VMP1: variants seen among roughly 807,000 people sequenced by gnomAD.
VMP1 encodes the protein vacuole membrane protein 1.
VMP1 carries 11 observed loss-of-function variants against 56.0 expected under a neutral mutation model. The observed-to-expected ratio is 0.20, with a 90% CI of 0.12 to 0.32. The LOEUF (loss-of-function observed/expected upper bound fraction) is 0.32. Ranked by LOEUF, VMP1 falls within the 10% of genes least tolerant of loss-of-function variation. The pLI, the probability that VMP1 is intolerant of heterozygous loss-of-function variation, is 1.00. For synonymous variants in VMP1, 149 were observed against 165.0 expected, an observed-to-expected ratio of 0.90 and a Z score of 0.74; for missense variants, 296 against 490.3, an observed-to-expected ratio of 0.60 and a Z score of 3.74.
intron 6 of VMP1, among the ~76,000 whole-genome samples, chr17:59,771,370 G>T (rs1391925445): frequency 6.6e-6 from 1 of 151,858 alleles, no homozygotes; most frequent in African/African-American, 2.4e-5. Flanking sequence ...TTGCTGTGTT[G>T]CCCAGGCCGG....
intron 1 of VMP1, among the ~76,000 whole-genome samples, chr17:59,728,047 C>G (rs2143785216): frequency 6.6e-6 from 1 of 152,272 alleles, no homozygotes; most frequent in East Asian, 1.9e-4. Flanking sequence ...TGTTTATTTG[C>G]TTATTCAGCA....
chr17:59,773,203 G>A (rs1049335582), intron 6 of VMP1, among the ~76,000 whole-genome samples: 1 of 151,430 alleles, frequency 6.6e-6, no homozygotes, highest in African/African-American at 2.4e-5. Flanking sequence ...CTCGGGATCC[G>A]CCCGCCTCGC....
At chr17:59,715,530 G>A (rs1233050969) in intron 1 of VMP1, among the ~76,000 whole-genome samples, 2 of 152,130 alleles carry the variant, frequency 1.3e-5, no homozygotes, top group Non-Finnish European at 2.9e-5. Flanking sequence ...CTCAACATGT[G>A]GGGATTACAG....
chr17:59,729,491 A>G (rs150476872), intron 1 of VMP1, among the ~76,000 whole-genome samples: 1 of 151,720 alleles, frequency 6.6e-6, no homozygotes, highest in African/African-American at 2.4e-5. Flanking sequence ...AAAAAAAAAA[A>G]AAAAAACCTT....
At chr17:59,755,030 T>G (rs2777899) in intron 5 of VMP1, among the ~76,000 whole-genome samples, 60,744 of 142,236 alleles carry the variant, frequency 0.43, 14,323 homozygotes, top group Non-Finnish European at 0.54. Flanking sequence ...TCATTTCTCT[T>G]GAATACTTAA....
At position 59,840,566 on chromosome 17, in the gene VMP1, T is replaced by C. The variant is rs1000220885; in HGVS notation, c.*655T>C. The C allele has an allele frequency of 2.6e-5, 4 of 152,688 alleles. No individual in the cohort carries two copies. The highest frequency in any genetic ancestry group is 9.6e-5 in the African/African-American group (4 of 41,452). 9.5% of individuals were successfully genotyped at this position (152,688 alleles called of 1,614,324 possible). ...TAGAATGAAGTCTTGAAAAAAACTT[T>C]ATAAAGACATCTTTAATCATTCCAA... On this transcript the variant is annotated 3_prime_UTR_variant, in exon 12 of 12. Transcript: ENST00000262291.
chr17:59,839,734 T>G, intron 11 of VMP1, 34 bp from the exon 12 acceptor site: 1 of 1,582,938 alleles, frequency 6.3e-7, no homozygotes, highest in Non-Finnish European at 8.6e-7. Context: ...AATGAAGCCT[T>G]TTTCATTGCA....
At chr17:59,764,333 A>C (rs1598358051) in intron 5 of VMP1, among the ~76,000 whole-genome samples, 1 of 151,484 alleles carries the variant, frequency 6.6e-6, no homozygotes, top group Admixed American at 6.6e-5. Context: ...AACACAAGGG[A>C]TTTTTTTTTA....
intron 9 of VMP1, among the ~76,000 whole-genome samples, chr17:59,813,642 AT>A (rs1242016312): frequency 6.6e-6 from 1 of 152,002 alleles, no homozygotes; most frequent in Non-Finnish European, 1.5e-5. Context: ...ATAATAAATT[AT>A]TTTCAATGTA....
chr17:59,779,995 TTATC>T (rs1443784523), intron 7 of VMP1, among the ~76,000 whole-genome samples: 1 of 152,192 alleles, frequency 6.6e-6, no homozygotes, highest in African/African-American at 2.4e-5. Context: ...TTCTCAGTCT[TTATC>T]TATCTACTGT....
chr17:59,830,134 CAG>C (rs2038762732), intron 10 of VMP1, among the ~76,000 whole-genome samples: 2 of 152,300 alleles, frequency 1.3e-5, no homozygotes, highest in South Asian at 4.1e-4. Flanking sequence ...GGGGCGGGGA[CAG>C]GGGCTAGCTC....
At chr17:59,734,845 G>A (rs1250213349) in intron 2 of VMP1, among the ~76,000 whole-genome samples, 1 of 150,028 alleles carries the variant, frequency 6.7e-6, no homozygotes, top group Admixed American at 6.7e-5. Context: ...TGAAACTGTA[G>A]ATAAGGGGGA....
intron 1 of VMP1, among the ~76,000 whole-genome samples, chr17:59,718,345 T>C (rs1320494127): frequency 6.6e-6 from 1 of 151,520 alleles, no homozygotes; most frequent in East Asian, 1.9e-4. Context: ...TACAGGCGCC[T>C]GCCACCACGC....
At chr17:59,803,423 A>G (rs552446060) in intron 7 of VMP1, among the ~76,000 whole-genome samples, 21 of 152,330 alleles carry the variant, frequency 1.4e-4, no homozygotes, top group Non-Finnish European at 2.8e-4. Context: ...GTTTACATAT[A>G]TAATCACTAT....
chr17:59,759,217 T>TA (rs2035954617), intron 5 of VMP1, among the ~76,000 whole-genome samples: 2 of 151,920 alleles, frequency 1.3e-5, no homozygotes, highest in Admixed American at 6.6e-5. Context: ...CTACCAAAAA[T>TA]ACAAAAATTA....
chr17:59,763,054 T>G (rs2036114116), intron 5 of VMP1, among the ~76,000 whole-genome samples: 1 of 152,160 alleles, frequency 6.6e-6, no homozygotes, highest in Admixed American at 6.5e-5. Flanking sequence ...GGGGACAGCA[T>G]GGACAAACTC....
intron 7 of VMP1, among the ~76,000 whole-genome samples, chr17:59,784,100 AGTGTGTGTGTGTGTGTGT>A (rs536985526): frequency 2.2e-5 from 3 of 139,108 alleles, no homozygotes; most frequent in African/African-American, 8.2e-5. Context: ...CATCAAAAAG[AGTGTGTGTGTGTGTGTGT>A]GTGTGTGTGT....
At chr17:59,838,545 T>C in intron 11 of VMP1, 148 bp downstream of exon 11, 1 of 716,862 alleles carries the variant, frequency 1.4e-6, no homozygotes, top group Non-Finnish European at 2.4e-6. Context: ...TATGCTCTAC[T>C]GGGAAATTTG....
At chr17:59,748,344 G>A (rs377298499) in intron 5 of VMP1, among the ~76,000 whole-genome samples, 1 of 152,040 alleles carries the variant, frequency 6.6e-6, no homozygotes, top group Non-Finnish European at 1.5e-5. Context: ...TCAGGAATAT[G>A]CAAGTGATTG....
Sources: allele counts gnomAD v4.1 joint callset (sites outside exome capture counted in the v4.1 genomes callset), GRCh38; gene constraint gnomAD v4.1.1; transcripts MANE v1.5; gene names NCBI Gene and HGNC (gene_info 2026-07-23, HGNC 2026-07-21).